SDCCAG8: variants seen among roughly 807,000 people sequenced by gnomAD.
SDCCAG8 encodes SHH signaling and ciliogenesis regulator SDCCAG8.
A neutral mutation model predicts 101.8 loss-of-function variants in SDCCAG8; 74 were observed. The ratio of observed to expected loss-of-function variants is 0.73; its 90% CI spans 0.60 to 0.88. The LOEUF is 0.88. Ranked by LOEUF, SDCCAG8 falls within the 40% of genes least tolerant of loss-of-function variation. The pLI is 0.00. For missense variants in SDCCAG8, 787 were observed against 822.6 expected (o/e 0.96, Z 0.53); for synonymous variants, 281 against 292.9 (o/e 0.96, Z 0.41).
At chr1:243,476,175 T>G in intron 16 of SDCCAG8, 1 of 985,510 alleles carries the variant, frequency 1.0e-6, no homozygotes, top group Non-Finnish European at 1.2e-6. Context: ...TCAGCTCAAT[T>G]GGTCGCCTTC....
intron 5 of SDCCAG8, among the ~76,000 whole-genome samples, chr1:243,292,668 G>A (rs1178491688): frequency 6.6e-6 from 1 of 152,118 alleles, no homozygotes; most frequent in Non-Finnish European, 1.5e-5. Context: ...GATTAAATGA[G>A]TTAATATATA....
chr1:243,400,652 G>A (rs1452830236), intron 13 of SDCCAG8, among the ~76,000 whole-genome samples: 3 of 152,102 alleles, frequency 2.0e-5, no homozygotes, highest in Non-Finnish European at 2.9e-5. Flanking sequence ...GCCTTTATGT[G>A]ATAATTCTAT....
At chr1:243,357,684 A>G (rs959442667) in intron 12 of SDCCAG8, among the ~76,000 whole-genome samples, 1 of 152,246 alleles carries the variant, frequency 6.6e-6, no homozygotes, top group African/African-American at 2.4e-5. Context: ...ATAAAAATAT[A>G]TTTACTGCTC....
chr1:243,481,410 C>G (rs1187953848), intron 16 of SDCCAG8, among the ~76,000 whole-genome samples: 1 of 152,132 alleles, frequency 6.6e-6, no homozygotes, highest in Non-Finnish European at 1.5e-5. Flanking sequence ...CCTTGCTTCT[C>G]TCATGCATAA....
intron 1 of SDCCAG8, among the ~76,000 whole-genome samples, chr1:243,266,587 C>T (rs1429057358): frequency 6.6e-6 from 1 of 151,836 alleles, no homozygotes; most frequent in Non-Finnish European, 1.5e-5. Context: ...CCCAAAGTCC[C>T]AGGACCACAG....
chr1:243,409,040 T>C (rs1465895169), intron 13 of SDCCAG8, among the ~76,000 whole-genome samples: 5 of 152,150 alleles, frequency 3.3e-5, no homozygotes, highest in Non-Finnish European at 7.4e-5. Context: ...CTGTACTCCA[T>C]TGCCTCTCAA....
At position 243,489,526 on chromosome 1, in the gene SDCCAG8, T is replaced by C. The variant is rs868164467; in HGVS notation, c.2112+386T>C. Among the ~76,000 whole-genome samples, 5 of 152,224 alleles carry C rather than the reference T, an allele frequency of 3.3e-5. No homozygotes were observed. The Middle Eastern group carries it at 0.01, about 311-fold the overall frequency. On this transcript the variant is annotated intron_variant, in intron 17 of 17. Transcript: ENST00000366541. The stretch of plus-strand genomic sequence containing the variant: ...CTCTGAAGGTCGTGTATGGTTTGAA[T>C]TGGTTGAGGAAAGAGGTGTTCCCAA...
chr1:243,307,133 A>C (rs2072225457), intron 7 of SDCCAG8, among the ~76,000 whole-genome samples: 1 of 151,152 alleles, frequency 6.6e-6, no homozygotes, highest in South Asian at 2.1e-4. Flanking sequence ...ACTTTAGCGC[A>C]GCTTTACTGG....
At chr1:243,271,834 G>A (rs1402895970) in intron 3 of SDCCAG8, among the ~76,000 whole-genome samples, 4 of 152,052 alleles carry the variant, frequency 2.6e-5, no homozygotes, top group Admixed American at 6.6e-5. Flanking sequence ...GTGAGCCACC[G>A]CGCCTGGCCT....
chr1:243,388,690 A>C (rs2078477065), intron 13 of SDCCAG8, among the ~76,000 whole-genome samples: 1 of 133,808 alleles, frequency 7.5e-6, no homozygotes, highest in Admixed American at 8.1e-5. Context: ...ATGAGACCCC[A>C]GCTCTACCAA....
rs982525765 is a variant in SDCCAG8, at chr1:243,267,749, G to T, written c.68-2356G>T. 7 of 802,088 alleles carry T rather than the reference G, an allele frequency of 8.7e-6. No individual in the cohort carries two copies. The African/African-American group carries it at 1.0e-4, about 12-fold the overall frequency. The allele number at this position is 802,088 out of a possible 1,614,324, so 49.7% of individuals were successfully genotyped here. A position where few individuals can be genotyped will look rare whatever the true frequency, so the allele number is the denominator to read the frequency against. ...TAATTGTTCAAATCTTGGATCCTTGGCGATCCTTAGAGCCACTCAATACTT... is the reference window on the plus strand; with the variant it reads ...TAATTGTTCAAATCTTGGATCCTTGTCGATCCTTAGAGCCACTCAATACTT... On this transcript the variant is annotated intron_variant, in intron 1 of 17. Transcript: ENST00000366541.
rs559714536 is a variant in SDCCAG8 at position 243,379,153 on chromosome 1, A to G, written c.1616+290A>G. Among the ~76,000 whole-genome samples the G allele has an allele frequency of 2.0e-5, 3 of 152,228 alleles. No individual in the cohort carries two copies. In the South Asian group the frequency reaches 6.2e-4, roughly 32 times the overall value. On this transcript the variant is annotated intron_variant, in intron 13 of 17. Transcript: ENST00000366541. ...ACATATTTCTCCTACCACCACTACT[A>G]CCTCTTCTGCTAATTCTACGTCTAA...
At chr1:243,284,730 T>A (rs1445716739) in intron 4 of SDCCAG8, among the ~76,000 whole-genome samples, 2 of 152,204 alleles carry the variant, frequency 1.3e-5, no homozygotes, top group Admixed American at 6.5e-5. Context: ...TTACAAGGAA[T>A]GCAACATGCC....
intron 16 of SDCCAG8, among the ~76,000 whole-genome samples, chr1:243,437,025 T>A (rs1157146198): frequency 6.6e-6 from 1 of 152,232 alleles, no homozygotes; most frequent in Non-Finnish European, 1.5e-5. Context: ...GTCAATTCAC[T>A]CTCTAAAGCT....
intron 6 of SDCCAG8, among the ~76,000 whole-genome samples, chr1:243,295,409 T>A (rs557401142): frequency 5.9e-5 from 9 of 152,252 alleles, no homozygotes; most frequent in Admixed American, 2.0e-4. Context: ...GGCTGATTTT[T>A]GTATTTTTAG....
At chr1:243,441,294 G>A (rs1016603724) in intron 16 of SDCCAG8, among the ~76,000 whole-genome samples, 3 of 152,204 alleles carry the variant, frequency 2.0e-5, no homozygotes, top group African/African-American at 4.8e-5. Flanking sequence ...GGGTACAGGG[G>A]ATGGATGGGT....
intron 16 of SDCCAG8, among the ~76,000 whole-genome samples, chr1:243,455,739 C>T (rs1048237714): frequency 2.6e-5 from 4 of 152,208 alleles, no homozygotes; most frequent in Admixed American, 2.6e-4. Flanking sequence ...TCCATATTTA[C>T]AAAATGGATT....
chr1:243,371,201 A>G (rs973036040), intron 12 of SDCCAG8, among the ~76,000 whole-genome samples: 10 of 152,086 alleles, frequency 6.6e-5, no homozygotes, highest in African/African-American at 2.4e-4. Context: ...CACCTATGTC[A>G]CATTATAGGC....
intron 9 of SDCCAG8, among the ~76,000 whole-genome samples, chr1:243,319,624 T>C (rs1379913930): frequency 6.6e-6 from 1 of 152,026 alleles, no homozygotes. Context: ...GCACCCATCT[T>C]GGCCTCCCAA....
Sources: allele counts gnomAD v4.1 joint callset (sites outside exome capture counted in the v4.1 genomes callset), GRCh38; gene constraint gnomAD v4.1.1; transcripts MANE v1.5; gene names NCBI Gene and HGNC (gene_info 2026-07-23, HGNC 2026-07-21).